The following EXOC6B variants were observed in gnomAD, a reference collection of about 807,000 sequenced individuals.
EXOC6B encodes exocyst complex component 6B.
In EXOC6B, 54 loss-of-function variants were observed where a neutral mutation model predicts 113.5. The observed-to-expected ratio is 0.48, with a 90% CI of 0.38 to 0.60. The LOEUF (loss-of-function observed/expected upper bound fraction) is 0.60. Among genes scored for constraint, EXOC6B ranks in the 20% least tolerant of loss-of-function variants. The probability of loss-of-function intolerance (pLI) is 0.00; values close to 1 mark genes in which losing one functional copy is unlikely to be tolerated. For missense variants in EXOC6B, 797 were observed against 977.5 expected (o/e 0.82, Z 2.46); for synonymous variants, 357 against 339.0 (o/e 1.05, Z -0.58).
chr2:72,178,268 C>G lies in EXOC6B; in HGVS notation c.*1067G>C, dbSNP rs539603760. ...GAGGCATCCAGTCCAGGCATGGCTGCCCCCACAGTGCAGAGCTGGTGACAT... is the reference window on the plus strand; with the variant it reads ...GAGGCATCCAGTCCAGGCATGGCTGGCCCCACAGTGCAGAGCTGGTGACAT... On this transcript the variant is annotated 3_prime_UTR_variant, in exon 22 of 22. Transcript: ENST00000272427. 1 of 152,326 alleles carries G rather than the reference C, an allele frequency of 6.6e-6. No individual in the cohort carries two copies. Among genetic ancestry groups the G allele is most frequent in the Non-Finnish European group, 1.5e-5 (1 of 68,040 alleles). The allele number at this position is 152,326 out of a possible 1,614,324, so 9.4% of individuals were successfully genotyped here. A position where few individuals can be genotyped will look rare whatever the true frequency, so the allele number is the denominator to read the frequency against.
chr2:72,404,460 G>C (rs1693584746), intron 18 of EXOC6B, among the ~76,000 whole-genome samples: 1 of 152,222 alleles, frequency 6.6e-6, no homozygotes, highest in African/African-American at 2.4e-5. Context: ...GCACCCCCCA[G>C]TAGGGGCAGA....
At chr2:72,598,330 A>ATGAC (rs1218221704) in intron 6 of EXOC6B, among the ~76,000 whole-genome samples, 1 of 152,022 alleles carries the variant, frequency 6.6e-6, no homozygotes, top group Non-Finnish European at 1.5e-5. Flanking sequence ...GAGCCAAAGA[A>ATGAC]GTCTCAAGAG....
Position 72,467,357 on chromosome 2 carries a change from G to C in EXOC6B, c.1801-2018C>G, listed in dbSNP as rs532187728. ...TCCTCTGGAAATAAACCCAGTAGTG[G>C]GATTGCTGAAACATATGATAGTTCT... is the stretch of plus-strand genomic sequence containing the variant. On this transcript the variant is annotated intron_variant, in intron 17 of 21. Coordinates refer to ENST00000272427, the MANE Select transcript of EXOC6B (RefSeq NM_015189.3). Among the ~76,000 whole-genome samples the C allele has an allele frequency of 3.3e-5, 5 of 152,252 alleles. No individual in the cohort carries two copies. In the East Asian group the frequency reaches 9.7e-4, roughly 29 times the overall value.
At chr2:72,322,479 GT>G (rs1572911222) in intron 20 of EXOC6B, among the ~76,000 whole-genome samples, 1 of 152,312 alleles carries the variant, frequency 6.6e-6, no homozygotes, top group East Asian at 1.9e-4. Flanking sequence ...TGATAGAAAT[GT>G]TCTTGGTTGT....
intron 20 of EXOC6B, among the ~76,000 whole-genome samples, chr2:72,292,051 T>C (rs932562192): frequency 2.6e-5 from 4 of 152,144 alleles, no homozygotes; most frequent in African/African-American, 7.2e-5. Context: ...GGCTCTGTAA[T>C]AGTGTTTTCT....
chr2:72,627,896 A>T (rs1393838260), intron 6 of EXOC6B, among the ~76,000 whole-genome samples: 1 of 151,430 alleles, frequency 6.6e-6, no homozygotes, highest in Non-Finnish European at 1.5e-5. Flanking sequence ...CACAGCTCCC[A>T]TTTTTGTTGT....
intron 19 of EXOC6B, among the ~76,000 whole-genome samples, chr2:72,376,762 A>G (rs1691384935): frequency 6.6e-6 from 1 of 151,930 alleles, no homozygotes; most frequent in African/African-American, 2.4e-5. Flanking sequence ...TTCTTCTTTT[A>G]TGGGTAACAT....
At chr2:72,492,869 CTTG>C (rs1464313638) in intron 15 of EXOC6B, among the ~76,000 whole-genome samples, 2 of 151,858 alleles carry the variant, frequency 1.3e-5, no homozygotes, top group African/African-American at 4.8e-5. Flanking sequence ...TTGTTTGTTT[CTTG>C]TTGTTGCTAT....
At chr2:72,730,491 A>G (rs1680566129) in intron 5 of EXOC6B, among the ~76,000 whole-genome samples, 1 of 151,980 alleles carries the variant, frequency 6.6e-6, no homozygotes, top group East Asian at 1.9e-4. Context: ...ACTACACTGC[A>G]GCTTTTGCTA....
chr2:72,362,534 C>T (rs11884225), intron 19 of EXOC6B, among the ~76,000 whole-genome samples: 27,224 of 151,910 alleles, frequency 0.18, 4,217 homozygotes, highest in African/African-American at 0.42. Flanking sequence ...TCTCATTTGA[C>T]TTTATAACAA....
chr2:72,584,628 G>A (rs1212742174), intron 6 of EXOC6B, among the ~76,000 whole-genome samples: 3 of 152,114 alleles, frequency 2.0e-5, no homozygotes, highest in Non-Finnish European at 4.4e-5. Context: ...CAGACATTCT[G>A]GACCTAAATT....
intron 6 of EXOC6B, among the ~76,000 whole-genome samples, chr2:72,691,486 T>C (rs1677475823): frequency 6.6e-6 from 1 of 152,118 alleles, no homozygotes; most frequent in East Asian, 1.9e-4. Context: ...ATAGTTTAGC[T>C]TATAGAAAAT....
chr2:72,402,559 G>T (rs1693407361), intron 18 of EXOC6B, among the ~76,000 whole-genome samples: 1 of 152,070 alleles, frequency 6.6e-6, no homozygotes, highest in African/African-American at 2.4e-5. Flanking sequence ...CTCAGATTTT[G>T]TTTACCTAGA....
intron 8 of EXOC6B, among the ~76,000 whole-genome samples, chr2:72,550,712 C>G (rs1383790289): frequency 2.6e-5 from 4 of 151,986 alleles, no homozygotes; most frequent in Admixed American, 6.6e-5. Context: ...GCCTTAGTTT[C>G]TACATAGCTT....
rs549268691 is a variant in EXOC6B, at chr2:72,219,854, T to A, written c.2197-35667A>T. Among the ~76,000 whole-genome samples the A allele has an allele frequency of 4.1e-4, 63 of 152,298 alleles. No individual in the cohort carries two copies. The South Asian group carries it at 0.013, about 32-fold the overall frequency. On this transcript the variant is annotated intron_variant, in intron 20 of 21. Coordinates refer to ENST00000272427, the MANE Select transcript of EXOC6B (RefSeq NM_015189.3). ...ATTGGTAGTACAAAGATCATTAGTA[T>A]CCCATGTATTTATGAAAAACTAAGG...
At chr2:72,204,592 C>T (rs1021148831) in intron 20 of EXOC6B, among the ~76,000 whole-genome samples, 36 of 152,096 alleles carry the variant, frequency 2.4e-4, no homozygotes, top group African/African-American at 7.2e-4. Context: ...TAACCTCAGC[C>T]GTCTGCAAAA....
intron 6 of EXOC6B, among the ~76,000 whole-genome samples, chr2:72,605,391 G>C (rs1363310684): frequency 6.6e-6 from 1 of 151,968 alleles, no homozygotes; most frequent in Non-Finnish European, 1.5e-5. Flanking sequence ...TTACCATGGG[G>C]AGGGCTTCAC....
intron 20 of EXOC6B, among the ~76,000 whole-genome samples, chr2:72,279,742 T>C (rs964804356): frequency 5.3e-5 from 8 of 151,900 alleles, no homozygotes; most frequent in Non-Finnish European, 1.2e-4. Flanking sequence ...GCCTCCCGAG[T>C]AGCTGGGACT....
chr2:72,254,659 C>T (rs1028204511), intron 20 of EXOC6B, among the ~76,000 whole-genome samples: 2 of 152,110 alleles, frequency 1.3e-5, no homozygotes, highest in Non-Finnish European at 1.5e-5. Context: ...ACTTTTGCGG[C>T]AAGTGATAGA....
Sources: allele counts gnomAD v4.1 joint callset (sites outside exome capture counted in the v4.1 genomes callset), GRCh38; gene constraint gnomAD v4.1.1; transcripts MANE v1.5; gene names NCBI Gene and HGNC (gene_info 2026-07-23, HGNC 2026-07-21).